MADCAM1: variants seen among roughly 807,000 people sequenced by gnomAD.
MADCAM1 encodes mucosal vascular addressin cell adhesion molecule 1.
Under a neutral mutation model 26.1 loss-of-function variants are expected in MADCAM1, and 19 were observed. The observed-to-expected ratio is 0.73, with a 90% confidence interval of 0.51 to 1.07. The LOEUF is 1.07. MADCAM1 is among the 50% of genes least tolerant of loss of function. The pLI is 0.00. For synonymous variants in MADCAM1, 268 were observed against 260.9 expected (o/e 1.03, Z -0.26); for missense variants, 514 against 542.1 (o/e 0.95, Z 0.51).
chr19:502,117 CCT>C (rs1441191471), intron 4 of MADCAM1, among the ~76,000 whole-genome samples, 188 bp downstream of exon 4: 2 of 152,090 alleles, frequency 1.3e-5, no homozygotes, highest in East Asian at 3.9e-4. Context: ...GTCTTTCCAG[CCT>C]CGGTTTCCCC....
chr19:498,645 G>C lies in MADCAM1; in HGVS notation c.487G>C (p.Ala163Pro). The C allele has an allele frequency of 6.8e-7, 1 of 1,463,230 alleles. No homozygotes were observed. Among genetic ancestry groups the C allele is most frequent in the Non-Finnish European group, 9.0e-7 (1 of 1,112,830 alleles). 90.6% of individuals were successfully genotyped at this position (1,463,230 alleles called of 1,614,324 possible). ...VGGQELEGAQALGPEVQEEEE... is the reference protein window; with the variant it reads ...VGGQELEGAQPLGPEVQEEEE... The stretch of plus-strand genomic sequence containing the variant: ...GGGCCAGGAACTGGAGGGGGCGCAA[G>C]CCCTGGGCCCGGAGGTGCAGGAGGA... The change falls in exon 3 of 5, where the codon GCC (alanine) becomes CCC (proline). Residue 163 changes from alanine (A) to proline (P), a missense_variant. Ala to Pro is a conservative substitution (Grantham distance 27, BLOSUM62 -1). Transcript: ENST00000215637.
intron 3 of MADCAM1, 122 bp downstream of exon 3, chr19:498,947 C>T: frequency 7.4e-7 from 1 of 1,346,130 alleles, no homozygotes; most frequent in Non-Finnish European, 1.0e-6. Flanking sequence ...ACTGGATTCC[C>T]CCACGCAGCG....
chr19:501,090 G>A (rs927143286), intron 3 of MADCAM1, among the ~76,000 whole-genome samples: 2 of 152,012 alleles, frequency 1.3e-5, no homozygotes, highest in Non-Finnish European at 2.9e-5. Context: ...TCAGGAGGCT[G>A]AGTGGGGAGG....
intron 3 of MADCAM1, among the ~76,000 whole-genome samples, chr19:499,616 C>T (rs894640875): frequency 6.6e-6 from 1 of 152,252 alleles, no homozygotes; most frequent in Non-Finnish European, 1.5e-5. Flanking sequence ...CCTTGGATAA[C>T]ATCTGACATC....
At chr19:502,121 G>A (rs936391154) in intron 4 of MADCAM1, among the ~76,000 whole-genome samples, 192 bp downstream of exon 4, 9 of 151,644 alleles carry the variant, frequency 5.9e-5, no homozygotes, top group Non-Finnish European at 1.2e-4. Flanking sequence ...TTCCAGCCTC[G>A]GTTTCCCCAT....
Position 501,701 on chromosome 19 carries a change from G to T in MADCAM1, c.700G>T (p.Asp234Tyr). The change falls in exon 4 of 5, where the codon GAC becomes TAC. Residue 234 changes from aspartate to tyrosine, a missense_variant. Asp to Tyr is a radical substitution (Grantham distance 160, BLOSUM62 -3). Around this residue, in one of 3 missense-constraint regions of MADCAM1, gnomAD observed 45 missense variants for 91.8 expected, o/e 0.49. Transcript: ENST00000215637. ...CAGCCCGACCTCCCCGGAGCCTCCC[G>T]ACACCACCTCCCCGGAGTCTCCCGA... ...LHSPTSPEPPDTTSPESPDTT... is the reference protein window; with the variant it reads ...LHSPTSPEPPYTTSPESPDTT... The T allele has an allele frequency of 7.8e-7, 1 of 1,280,342 alleles. No homozygotes were observed. Among genetic ancestry groups the T allele is most frequent in the Non-Finnish European group, 1.1e-6 (1 of 924,542 alleles). 79.3% of individuals were successfully genotyped at this position (1,280,342 alleles called of 1,614,324 possible). A position where few individuals can be genotyped will look rare whatever the true frequency, so the allele number is the denominator to read the frequency against.
rs972538666 is a variant in MADCAM1, at chr19:497,946, G to A, written c.166G>A (p.Ala56Thr). ...TCRLACADRG[A>T]SVQWRGLDTS... ...CCGCCTGGCCTGCGCGGACCGCGGG[G>A]CCTCGGTGCAGTGGCGGGGCCTGGA... Residue 56 changes from alanine (A) to threonine (T), a missense_variant, in exon 2 of 5, where the codon GCC becomes ACC. Physicochemically the swap from Ala to Thr is moderately conservative, Grantham distance 58. This residue lies in a region of MADCAM1 where 317 missense variants were observed against 313.6 expected (regional missense o/e 1.01). Transcript: ENST00000215637. The A allele has an allele frequency of 7.0e-6, 10 of 1,436,366 alleles. No individual in the cohort carries two copies. The Admixed American group carries it at 1.7e-4, about 24-fold the overall frequency. The allele number at this position is 1,436,366 out of a possible 1,614,324, so 89.0% of individuals were successfully genotyped here.
chr19:497,818 C>CA lies in MADCAM1; in HGVS notation c.53-15_53-14insA. On this transcript the variant is annotated splice_polypyrimidine_tract_variant and intron_variant, in intron 1 of 4. Coordinates refer to ENST00000215637, the MANE Select transcript of MADCAM1 (RefSeq NM_130760.3). ...GGGACTCCGCGGGGCTGAGCGAGAG[C>CA]CGCGGTCGCCGCAGGCCAGTCCCTC... The CA allele has an allele frequency of 1.6e-6, 2 of 1,269,874 alleles. No homozygotes were observed. The highest frequency in any genetic ancestry group is 2.0e-6 in the Non-Finnish European group (2 of 1,010,110). 78.7% of individuals were successfully genotyped at this position (1,269,874 alleles called of 1,614,324 possible). A position where few individuals can be genotyped will look rare whatever the true frequency, so the allele number is the denominator to read the frequency against.
At position 498,604 on chromosome 19, in the gene MADCAM1, T is replaced by C; in HGVS notation, c.446T>C (p.Phe149Ser). The change falls in exon 3 of 5, where the codon TTC becomes TCC. Residue 149 changes from phenylalanine to serine, a missense_variant. Around this residue, in one of 3 missense-constraint regions of MADCAM1, gnomAD observed 317 missense variants for 313.6 expected, o/e 1.01. Coordinates refer to ENST00000215637, the MANE Select transcript of MADCAM1 (RefSeq NM_130760.3). ...CCCGTGGACCCCAACGCGCTCTCCT[T>C]CTCCCTGCTCGTCGGGGGCCAGGAA... The part of the protein sequence containing the change: ...VTPVDPNALS[F>S]SLLVGGQELE... The C allele has an allele frequency of 6.7e-7, 1 of 1,481,484 alleles. No individual in the cohort carries two copies. The highest frequency in any genetic ancestry group is 1.4e-5 in the African/African-American group (1 of 69,296). 91.8% of individuals were successfully genotyped at this position (1,481,484 alleles called of 1,614,324 possible).
chr19:496,584 TGAGTTAGGAGG>T (rs1976571497), intron 1 of MADCAM1, 33 bp downstream of exon 1: 2 of 918,740 alleles, frequency 2.2e-6, no homozygotes, highest in Non-Finnish European at 1.3e-6. Context: ...GAGAGAGGAG[TGAGTTAGGAGG>T]GGGCTCAGGA....
chr19:496,600 T>G (rs1302433685), intron 1 of MADCAM1, 49 bp downstream of exon 1: 41 of 917,012 alleles, frequency 4.5e-5, no homozygotes, highest in Middle Eastern at 2.8e-4. Flanking sequence ...AGGAGGGGGC[T>G]CAGGAGAGAG....
intron 3 of MADCAM1, among the ~76,000 whole-genome samples, chr19:500,460 G>C (rs76594120): frequency 6.6e-6 from 1 of 152,186 alleles, no homozygotes; most frequent in African/African-American, 2.4e-5. Context: ...GCTTTAGGCC[G>C]GGCTCACGCC....
chr19:497,235 AG>A, intron 1 of MADCAM1, among the ~76,000 whole-genome samples: 1 of 34,660 alleles, frequency 2.9e-5, no homozygotes, highest in Admixed American at 3.1e-4. Context: ...AGGAGAGAGG[AG>A]GGGGCGCGGG....
Position 498,482 on chromosome 19 carries a change from A to C in MADCAM1, c.338-14A>C. On this transcript the variant is annotated splice_polypyrimidine_tract_variant and intron_variant, in intron 2 of 4. Transcript: ENST00000215637. ...ACTCTGGGCTCAGCCCTCACCCCCG[A>C]CCCTCCATCACAGCCTTCCCGGACC... is the stretch of plus-strand genomic sequence containing the variant. The C allele has an allele frequency of 6.9e-7, 1 of 1,452,956 alleles. No homozygotes were observed. The highest frequency in any genetic ancestry group is 9.0e-7 in the Non-Finnish European group (1 of 1,107,464). The allele number at this position is 1,452,956 out of a possible 1,614,324, so 90.0% of individuals were successfully genotyped here. A position where few individuals can be genotyped will look rare whatever the true frequency, so the allele number is the denominator to read the frequency against.
chr19:499,860 A>G (rs1252500457), intron 3 of MADCAM1: 2 of 456,324 alleles, frequency 4.4e-6, no homozygotes, highest in East Asian at 1.4e-4. Context: ...GGCTTCTCCC[A>G]CTAAAGAAAA....
intron 3 of MADCAM1, chr19:499,135 A>C: frequency 1.7e-6 from 1 of 591,522 alleles, no homozygotes; most frequent in South Asian, 1.5e-5. Context: ...TCCTCCCTCC[A>C]CCCTTTCTCC....
In MADCAM1 at chr19:505,292, CCT is replaced by C. The variant is rs1344165708; in HGVS notation, c.*328_*329del. 1 of 279,712 alleles carries C rather than the reference CCT, an allele frequency of 3.6e-6. No individual in the cohort carries two copies. Among genetic ancestry groups the C allele is most frequent in the Admixed American group, 5.1e-5 (1 of 19,538 alleles). The allele number at this position is 279,712 out of a possible 1,614,324, so 17.3% of individuals were successfully genotyped here. The stretch of plus-strand genomic sequence containing the variant: ...AGCTGTGCCCTGACCACCCTGGGCC[CCT>C]GTCGTCAGGACCTCCTGAGGCTTTG... On this transcript the variant is annotated 3_prime_UTR_variant, in exon 5 of 5. Coordinates refer to ENST00000215637, the MANE Select transcript of MADCAM1 (RefSeq NM_130760.3).
intron 2 of MADCAM1, 27 bp from the exon 3 acceptor site, chr19:498,469 G>A (rs1978296944): frequency 6.9e-7 from 1 of 1,447,906 alleles, no homozygotes; most frequent in Non-Finnish European, 9.0e-7. Flanking sequence ...TCTGGGCTCA[G>A]CCCTCACCCC....
rs1396037835 is a variant in MADCAM1, at chr19:497,872, C to G, written c.92C>G (p.Pro31Arg). 9 of 1,345,848 alleles carry G rather than the reference C, an allele frequency of 6.7e-6. No individual in the cohort carries two copies. The East Asian group carries it at 9.3e-5, about 14-fold the overall frequency. The allele number at this position is 1,345,848 out of a possible 1,614,324, so 83.4% of individuals were successfully genotyped here. The change falls in exon 2 of 5, where the codon CCG becomes CGG. Residue 31 changes from proline to arginine, a missense_variant. Coordinates refer to ENST00000215637, the MANE Select transcript of MADCAM1 (RefSeq NM_130760.3). ...GTGAAGCCCCTGCAGGTGGAGCCCC[C>G]GGAGCCGGTGGTGGCCGTGGCCTTG... ...LQVKPLQVEP[P>R]EPVVAVALGA...
Sources: gnomAD v4.1 joint callset for allele counts (sites outside exome capture counted in the v4.1 genomes callset) on GRCh38, gnomAD v4.1.1 for gene constraint, gnomAD v4.1.1 regional missense constraint, MANE v1.5 for transcripts, NCBI Gene and HGNC (gene_info 2026-07-23, HGNC 2026-07-21) for gene names.